STXBP4: variants seen among roughly 807,000 people sequenced by gnomAD.
STXBP4 encodes the protein syntaxin-binding protein 4.
A neutral mutation model predicts 76.1 loss-of-function variants in STXBP4; 55 were observed. The ratio of observed to expected loss-of-function variants is 0.72; its 90% CI spans 0.58 to 0.91. The LOEUF (loss-of-function observed/expected upper bound fraction) is 0.91. STXBP4 is among the 40% of genes least tolerant of loss of function. The pLI, the probability that STXBP4 is intolerant of heterozygous loss-of-function variation, is 0.00. For missense variants in STXBP4, 618 were observed against 636.9 expected (o/e 0.97, Z 0.32); for synonymous variants, 201 against 220.2 (o/e 0.91, Z 0.77).
intron 1 of STXBP4, among the ~76,000 whole-genome samples, chr17:54,979,058 C>T (rs542715671): frequency 3.3e-5 from 5 of 152,236 alleles, no homozygotes; most frequent in African/African-American, 1.2e-4. Context: ...ACAGATACTT[C>T]TGTGTGTTTG....
At chr17:55,138,928 T>C (rs924762080) in intron 16 of STXBP4, among the ~76,000 whole-genome samples, 1 of 152,078 alleles carries the variant, frequency 6.6e-6, no homozygotes, top group African/African-American at 2.4e-5. Flanking sequence ...ATCATTTTAG[T>C]CTCTAGGTCT....
chr17:55,134,556 C>T (rs1009531246), intron 16 of STXBP4, among the ~76,000 whole-genome samples: 1 of 151,900 alleles, frequency 6.6e-6, no homozygotes, highest in South Asian at 2.1e-4. Context: ...GGGTGGGGAG[C>T]CCTTTAAAAG....
chr17:55,000,384 C>T (rs566130779), intron 6 of STXBP4: 2 of 476,120 alleles, frequency 4.2e-6, no homozygotes, highest in East Asian at 1.5e-4. Flanking sequence ...GAACAAATTA[C>T]AGTTACAGAA....
chr17:55,002,668 A>G (rs913497359), intron 7 of STXBP4, among the ~76,000 whole-genome samples: 1 of 152,192 alleles, frequency 6.6e-6, no homozygotes, highest in Non-Finnish European at 1.5e-5. Flanking sequence ...GGAAGGAAGT[A>G]GTGAGTGCTA....
rs1043957635 is a variant in STXBP4, at chr17:54,998,854, T to TA, written c.181-486dup. Among the ~76,000 whole-genome samples, 69 of 143,800 alleles carry TA rather than the reference T, an allele frequency of 4.8e-4. No individual in the cohort carries two copies. In the South Asian group the frequency reaches 0.011, roughly 22 times the overall value. The allele number at this position is 143,800 out of a possible 152,430, so 94.3% of individuals were successfully genotyped here. ...TTTTGAAAATTTAATTTTTTTTTTT[T>TA]AAAAACCCTTGACTAAAGTTTTAAA... On this transcript the variant is annotated intron_variant, in intron 4 of 17. Coordinates refer to ENST00000376352, the MANE Select transcript of STXBP4 (RefSeq NM_178509.6).
chr17:54,990,779 G>T, intron 3 of STXBP4, 46 bp from the exon 4 acceptor site: 1 of 1,540,904 alleles, frequency 6.5e-7, no homozygotes. Flanking sequence ...AAAAATAGGT[G>T]CAGATCTCTA....
At chr17:55,088,064 C>T (rs1473653629) in intron 16 of STXBP4, among the ~76,000 whole-genome samples, 1 of 152,134 alleles carries the variant, frequency 6.6e-6, no homozygotes, top group East Asian at 1.9e-4. Context: ...CTAATGTTGG[C>T]ACATTTTGCC....
chr17:55,074,673 T>C (rs1270704703), intron 13 of STXBP4, among the ~76,000 whole-genome samples: 1 of 152,152 alleles, frequency 6.6e-6, no homozygotes, highest in African/African-American at 2.4e-5. Flanking sequence ...AGCTCTTAAC[T>C]GAGAAACATT....
intron 16 of STXBP4, among the ~76,000 whole-genome samples, chr17:55,092,173 G>A (rs2079423549): frequency 6.6e-6 from 1 of 152,070 alleles, no homozygotes. Flanking sequence ...GCTGGGAGGG[G>A]GTTAAGGGAT....
At chr17:55,076,096 A>G (rs116475879) in intron 13 of STXBP4, among the ~76,000 whole-genome samples, 58 of 152,254 alleles carry the variant, frequency 3.8e-4, no homozygotes, top group African/African-American at 1.4e-3. Context: ...ATTACATGTT[A>G]TAAAAATCTT....
chr17:55,093,466 CT>C (rs1177259277), intron 16 of STXBP4, among the ~76,000 whole-genome samples: 1 of 152,050 alleles, frequency 6.6e-6, no homozygotes, highest in Non-Finnish European at 1.5e-5. Flanking sequence ...GAAATTTTAC[CT>C]GTTTTTGTAA....
intron 12 of STXBP4, among the ~76,000 whole-genome samples, chr17:55,050,916 C>T (rs2078851042): frequency 6.6e-6 from 1 of 152,118 alleles, no homozygotes; most frequent in South Asian, 2.1e-4. Flanking sequence ...GATCTGCCTG[C>T]CTCAGCCTCC....
At chr17:55,136,804 A>T (rs12603686) in intron 16 of STXBP4, among the ~76,000 whole-genome samples, 3,041 of 152,130 alleles carry the variant, frequency 0.02, 78 homozygotes, top group East Asian at 0.15. Context: ...CAGAGACTGT[A>T]TTGAGGAAAG....
downstream of STXBP4, among the ~76,000 whole-genome samples, chr17:55,174,042 C>T (rs1433188478): frequency 1.3e-5 from 2 of 152,128 alleles, no homozygotes; most frequent in Non-Finnish European, 2.9e-5. Flanking sequence ...TCTCTCTGAC[C>T]CAACCATGAA....
At chr17:55,029,350 A>T (rs1170407883) in intron 8 of STXBP4, among the ~76,000 whole-genome samples, 1 of 152,030 alleles carries the variant, frequency 6.6e-6, no homozygotes, top group African/African-American at 2.4e-5. Context: ...CAGGAAGAAT[A>T]CTTAGGATAG....
chr17:55,197,122 C>T, the STXBP4 span, among the ~76,000 whole-genome samples: 1 of 152,168 alleles, frequency 6.6e-6, no homozygotes, highest in South Asian at 2.1e-4. Context: ...TTAGGCACCT[C>T]AACGCTAAAC....
chr17:55,118,425 T>G (rs2079807415), intron 16 of STXBP4, among the ~76,000 whole-genome samples: 1 of 151,978 alleles, frequency 6.6e-6, no homozygotes, highest in Non-Finnish European at 1.5e-5. Flanking sequence ...ACGAGGAGGA[T>G]TGCAGACAGG....
chr17:55,165,318 C>T lies in STXBP4; in HGVS notation c.*5407C>T, dbSNP rs1250050156. The stretch of plus-strand genomic sequence containing the variant: ...ATGTTGGTAGGGCACAGAGAAGGAC[C>T]TGGGCTTAACCTTCTGGACCAAGTT... On this transcript the variant is annotated 3_prime_UTR_variant, in exon 18 of 18. Transcript: ENST00000376352. 6.6e-6 allele frequency: 1 copy of T among 152,168 alleles called. No individual in the cohort carries two copies. The highest frequency in any genetic ancestry group is 1.9e-4 in the East Asian group (1 of 5,192). 9.4% of individuals were successfully genotyped at this position (152,168 alleles called of 1,614,324 possible). A position where few individuals can be genotyped will look rare whatever the true frequency, so the allele number is the denominator to read the frequency against.
chr17:55,211,157 C>G, the STXBP4 span, among the ~76,000 whole-genome samples: 1 of 152,144 alleles, frequency 6.6e-6, no homozygotes, highest in Admixed American at 6.5e-5. Flanking sequence ...TGAGATCTCA[C>G]TCCACCCGCA....
Sources: gnomAD v4.1 joint callset for allele counts (sites outside exome capture counted in the v4.1 genomes callset) on GRCh38, gnomAD v4.1.1 for gene constraint, MANE v1.5 for transcripts, NCBI Gene and HGNC (gene_info 2026-07-23, HGNC 2026-07-21) for gene names.